Variants in BBS2 observed in about 807,000 individuals in gnomAD.
BBS2 encodes BBSome complex member BBS2.
In BBS2, 62 loss-of-function variants were observed where a neutral mutation model predicts 83.0. That is an observed-to-expected ratio of 0.75 (90% CI 0.61 to 0.92). The LOEUF is 0.92. Among genes scored for constraint, BBS2 ranks in the 40% least tolerant of loss-of-function variants. The pLI is 0.00. For synonymous variants in BBS2, 303 were observed against 326.1 expected, an observed-to-expected ratio of 0.93 and a Z score of 0.76; for missense variants, 784 against 901.0, an observed-to-expected ratio of 0.87 and a Z score of 1.66.
At chr16:56,470,421 C>CT, downstream of BBS2, 1 of 1,422,870 alleles carries the variant, frequency 7.0e-7, no homozygotes, top group Non-Finnish European at 9.6e-7. Flanking sequence ...TAACGATCAG[C>CT]TTTTATTCTG....
At chr16:56,494,462 C>T (rs535997096) in intron 15 of BBS2, among the ~76,000 whole-genome samples, 1 of 152,076 alleles carries the variant, frequency 6.6e-6, no homozygotes, top group African/African-American at 2.4e-5. Context: ...GTGGTCAGAC[C>T]ATGATCTCTA....
intron 9 of BBS2, 61 bp from the exon 10 acceptor site, chr16:56,501,558 T>C: frequency 6.2e-7 from 1 of 1,601,596 alleles, no homozygotes; most frequent in Non-Finnish European, 8.6e-7. Context: ...ATATCAATTT[T>C]AAATAATATT....
Position 56,497,891 on chromosome 16 carries a change from A to G in BBS2, c.1660-11T>C. ...AGTATTTATAGTGATCTACCCAGAG[A>G]AAAAATAGACAAGTTTAGCATCCTC... On this transcript the variant is annotated splice_polypyrimidine_tract_variant and intron_variant, in intron 13 of 16. Coordinates refer to ENST00000245157, the MANE Select transcript of BBS2 (RefSeq NM_031885.5). 1.2e-6 allele frequency: 2 copies of G among 1,607,920 alleles called. No individual in the cohort carries two copies. Among genetic ancestry groups the G allele is most frequent in the East Asian group, 2.2e-5 (1 of 44,782 alleles).
chr16:56,509,930 A>G (rs777728926), intron 5 of BBS2, 27 bp downstream of exon 5: 3 of 1,610,326 alleles, frequency 1.9e-6, no homozygotes, highest in South Asian at 1.1e-5. Context: ...GCTCAAGGTT[A>G]CCATAGTTCG....
chr16:56,479,487 A>G (rs1157207352), downstream of BBS2, among the ~76,000 whole-genome samples: 1 of 152,200 alleles, frequency 6.6e-6, no homozygotes, highest in African/African-American at 2.4e-5. Context: ...CAAAAAAAAT[A>G]GCTTTCTGTT....
intron 15 of BBS2, among the ~76,000 whole-genome samples, chr16:56,491,911 T>A (rs549151776): frequency 3.3e-5 from 5 of 151,702 alleles, no homozygotes; most frequent in African/African-American, 1.2e-4. Flanking sequence ...TTTGTCAGGA[T>A]GAAAATTATC....
At chr16:56,475,048 C>T in intron 17 of BBS2, 2 of 1,308,074 alleles carry the variant, frequency 1.5e-6, no homozygotes, top group South Asian at 2.7e-5. Flanking sequence ...AAGTAATTTG[C>T]CTAGTTCAGA....
chr16:56,499,452 C>A (rs905290456), intron 12 of BBS2: 18 of 344,736 alleles, frequency 5.2e-5, no homozygotes, highest in Non-Finnish European at 8.9e-5. Flanking sequence ...CTCCAAGTCC[C>A]ACTCTCTTTT....
intron 15 of BBS2, among the ~76,000 whole-genome samples, chr16:56,489,892 G>A (rs1182114961): frequency 1.3e-5 from 2 of 152,018 alleles, no homozygotes; most frequent in East Asian, 1.9e-4. Context: ...GACAGGCCAC[G>A]GCAGGCAGAT....
At chr16:56,504,882 T>C (rs113494120) in intron 7 of BBS2, among the ~76,000 whole-genome samples, 34 of 152,320 alleles carry the variant, frequency 2.2e-4, no homozygotes, top group African/African-American at 7.7e-4. Context: ...CAAGTAGAGC[T>C]TGTGAGAGGT....
At chr16:56,519,674 T>A (rs970421457) in intron 1 of BBS2, 72 bp downstream of exon 1, 1 of 1,292,218 alleles carries the variant, frequency 7.7e-7, no homozygotes, top group Non-Finnish European at 1.1e-6. Flanking sequence ...GGGGACGGGA[T>A]CCCAGGGGCG....
intron 9 of BBS2, 56 bp downstream of exon 9, chr16:56,502,261 G>C (rs1022243302): frequency 1.5e-5 from 24 of 1,610,964 alleles, no homozygotes; most frequent in Non-Finnish European, 2.0e-5. Flanking sequence ...TGATCCTCCC[G>C]GTCAGTCTCA....
intron 15 of BBS2, among the ~76,000 whole-genome samples, chr16:56,492,628 A>G (rs1963990419): frequency 6.6e-6 from 1 of 152,218 alleles, no homozygotes; most frequent in Non-Finnish European, 1.5e-5. Flanking sequence ...TGTGTTAAGA[A>G]GGTAGATCTG....
intron 15 of BBS2, among the ~76,000 whole-genome samples, chr16:56,490,624 G>A (rs1012334451): frequency 4.6e-5 from 7 of 152,050 alleles, no homozygotes; most frequent in Admixed American, 3.3e-4. Context: ...CTGGGCAACA[G>A]AGTGAGACTC....
At chr16:56,490,158 T>G (rs1411254937) in intron 15 of BBS2, among the ~76,000 whole-genome samples, 4 of 146,288 alleles carry the variant, frequency 2.7e-5, no homozygotes, top group African/African-American at 1.0e-4. Flanking sequence ...ACAAAAATAA[T>G]AATAATATAA....
chr16:56,488,934 T>C (rs1363019369), intron 15 of BBS2, among the ~76,000 whole-genome samples: 8 of 152,308 alleles, frequency 5.3e-5, no homozygotes, highest in African/African-American at 1.9e-4. Context: ...TATTTCAGAA[T>C]ATCACAATGA....
intron 1 of BBS2, among the ~76,000 whole-genome samples, chr16:56,515,846 G>T (rs1173580231): frequency 1.2e-4 from 18 of 152,150 alleles, no homozygotes; most frequent in Admixed American, 5.2e-4. Flanking sequence ...ATATGAGGTC[G>T]GAAGAGTTAA....
intron 17 of BBS2, among the ~76,000 whole-genome samples, chr16:56,473,449 T>C (rs1963297769): frequency 6.6e-6 from 1 of 152,206 alleles, no homozygotes; most frequent in African/African-American, 2.4e-5. Context: ...ATCCATTGTG[T>C]CTTCAGAATG....
chr16:56,511,625 G>A (rs2144183365), intron 2 of BBS2, among the ~76,000 whole-genome samples: 1 of 152,232 alleles, frequency 6.6e-6, no homozygotes, highest in Non-Finnish European at 1.5e-5. Flanking sequence ...CAGCCTGCTG[G>A]CCCACCATGC....
Sources: gnomAD v4.1 joint callset for allele counts (sites outside exome capture counted in the v4.1 genomes callset) on GRCh38, gnomAD v4.1.1 for gene constraint, MANE v1.5 for transcripts, NCBI Gene and HGNC (gene_info 2026-07-23, HGNC 2026-07-21) for gene names.